Variants in PCGF5 observed in about 807,000 individuals in gnomAD.
The protein encoded by PCGF5 is polycomb group RING finger protein 5.
PCGF5 carries 9 observed loss-of-function variants against 44.3 expected under a neutral mutation model. That is an observed-to-expected ratio of 0.20 (90% CI 0.12 to 0.35). PCGF5 has a LOEUF of 0.35. Ranked by LOEUF, PCGF5 falls within the 10% of genes least tolerant of loss-of-function variation. The pLI is 1.00. For synonymous variants in PCGF5, 95 were observed against 102.5 expected (o/e 0.93, Z 0.44); for missense variants, 146 against 305.3 (o/e 0.48, Z 3.89).
intron 1 of PCGF5, among the ~76,000 whole-genome samples, chr10:91,210,492 A>G (rs1473498655): frequency 6.6e-6 from 1 of 152,214 alleles, no homozygotes; most frequent in Non-Finnish European, 1.5e-5. Context: ...CTCTAATGTC[A>G]AACTGGATAA....
chr10:91,257,070 C>G (rs1168446318), intron 6 of PCGF5, among the ~76,000 whole-genome samples: 32 of 151,966 alleles, frequency 2.1e-4, no homozygotes, highest in Admixed American at 2.1e-3. Flanking sequence ...GTCTGATAAG[C>G]CTTTAATGTA....
chr10:91,274,452 G>C (rs987332394), intron 9 of PCGF5, among the ~76,000 whole-genome samples: 2 of 152,138 alleles, frequency 1.3e-5, no homozygotes, highest in Non-Finnish European at 2.9e-5. Context: ...TGTAAAGAGG[G>C]TATTTCAAAT....
rs573759303 is a variant in PCGF5 at position 91,252,533 on chromosome 10, A to T, written c.474+1093A>T. Among the ~76,000 whole-genome samples the T allele has an allele frequency of 2.0e-5, 3 of 152,164 alleles. No individual in the cohort carries two copies. In the South Asian group the frequency reaches 6.2e-4, roughly 31 times the overall value. ...TTGGTTAGGTCTTATACATACAAAT[A>T]GTTAAGGTAATTGATTTTGTTAAGG... On this transcript the variant is annotated intron_variant, in intron 6 of 9. Transcript: ENST00000336126.
At chr10:91,255,732 T>A (rs1433008915) in intron 6 of PCGF5, among the ~76,000 whole-genome samples, 4 of 152,046 alleles carry the variant, frequency 2.6e-5, no homozygotes, top group Non-Finnish European at 5.9e-5. Context: ...AATGTCTAGT[T>A]TCAACAACAA....
chr10:91,203,818 A>G (rs1275847209), intron 1 of PCGF5, among the ~76,000 whole-genome samples: 1 of 152,158 alleles, frequency 6.6e-6, no homozygotes, highest in African/African-American at 2.4e-5. Flanking sequence ...AAATTTGTCA[A>G]CAACAAAAAC....
At chr10:91,249,745 G>A (rs1004726079) in intron 5 of PCGF5, among the ~76,000 whole-genome samples, 1 of 151,708 alleles carries the variant, frequency 6.6e-6, no homozygotes, top group Non-Finnish European at 1.5e-5. Context: ...TTTGATGCTA[G>A]AATAAGGTAA....
At chr10:91,217,137 C>T (rs1411057882), upstream of PCGF5, among the ~76,000 whole-genome samples, 3 of 152,174 alleles carry the variant, frequency 2.0e-5, no homozygotes, top group South Asian at 6.2e-4. Flanking sequence ...GGGTTCACGC[C>T]ATTCTCCTGC....
At chr10:91,166,064 G>A (rs1843494516) in intron 1 of PCGF5, among the ~76,000 whole-genome samples, 1 of 152,296 alleles carries the variant, frequency 6.6e-6, no homozygotes, top group African/African-American at 2.4e-5. Context: ...ACTTGGCGCA[G>A]TTCATTCCTT....
chr10:91,264,436 T>G lies in PCGF5; in HGVS notation c.579T>G (p.Asp193Glu). The G allele has an allele frequency of 6.2e-7, 1 of 1,601,130 alleles. No homozygotes were observed. Among genetic ancestry groups the G allele is most frequent in the Non-Finnish European group, 8.5e-7 (1 of 1,174,170 alleles). The change falls in exon 8 of 10, where the codon GAT becomes GAG. Residue 193 changes from aspartate (D) to glutamate (E), a missense_variant. Physicochemically the swap from Asp to Glu is conservative, Grantham distance 45. Coordinates refer to ENST00000336126, the MANE Select transcript of PCGF5 (RefSeq NM_032373.5). ...TATAATGATTCTTTTTAAAGTTGGA[T>G]GTGCTGTGCAATGGTGAAATTATGG... Reference protein sequence around the residue: ...KLKLPSSYELDVLCNGEIMGK... With the variant: ...KLKLPSSYELEVLCNGEIMGK...
chr10:91,176,047 A>G (rs1486670041), intron 1 of PCGF5, among the ~76,000 whole-genome samples: 1 of 152,154 alleles, frequency 6.6e-6, no homozygotes, highest in South Asian at 2.1e-4. Flanking sequence ...AGTGGCTGGT[A>G]CCGGTTGTTC....
chr10:91,242,829 A>G (rs2133354200), intron 3 of PCGF5, among the ~76,000 whole-genome samples: 1 of 152,288 alleles, frequency 6.6e-6, no homozygotes, highest in East Asian at 1.9e-4. Context: ...TTTCCTAAGA[A>G]TAAGGATATT....
At chr10:91,180,114 T>C (rs908452347) in intron 1 of PCGF5, among the ~76,000 whole-genome samples, 28 of 152,236 alleles carry the variant, frequency 1.8e-4, no homozygotes, top group African/African-American at 6.5e-4. Flanking sequence ...TTGAGCTTTT[T>C]TTCATTACAT....
intron 1 of PCGF5, among the ~76,000 whole-genome samples, chr10:91,180,039 T>A (rs984089972): frequency 6.6e-6 from 1 of 152,184 alleles, no homozygotes; most frequent in Non-Finnish European, 1.5e-5. Context: ...TAATAGCCAT[T>A]CTGACTGGTG....
chr10:91,175,534 T>TC (rs75273928), intron 1 of PCGF5, among the ~76,000 whole-genome samples: 14,527 of 152,048 alleles, frequency 0.096, 1,202 homozygotes, highest in African/African-American at 0.22. Context: ...TCCTCCCTCT[T>TC]CCCCCTACCC....
chr10:91,227,193 A>G, intron 2 of PCGF5: 1 of 382,928 alleles, frequency 2.6e-6, no homozygotes, highest in Non-Finnish European at 5.1e-6. Context: ...GAGCAAACTT[A>G]TATGCCAAGA....
intron 9 of PCGF5, among the ~76,000 whole-genome samples, chr10:91,277,505 C>T (rs1259315231): frequency 2.0e-5 from 3 of 152,202 alleles, no homozygotes; most frequent in African/African-American, 7.2e-5. Flanking sequence ...GGTAGCGTGG[C>T]ATATGCCATA....
chr10:91,187,626 G>T lies in PCGF5; in HGVS notation c.-184+24545G>T, dbSNP rs1843951494. ...ATCTCTTGATTCATGGGGTCCTTCT[G>T]TTTTCTGCATCCTTTCAGTAAGAGA... On this transcript the variant is annotated intron_variant, in intron 1 of 9. Coordinates refer to the PCGF5 transcript ENST00000614189. Among the ~76,000 whole-genome samples the T allele has an allele frequency of 5.3e-5, 8 of 152,232 alleles. No homozygotes were observed. In the South Asian group the frequency reaches 1.7e-3, roughly 32 times the overall value.
At chr10:91,225,777 CT>C (rs1459910047) in intron 2 of PCGF5, among the ~76,000 whole-genome samples, 1 of 151,828 alleles carries the variant, frequency 6.6e-6, no homozygotes, top group Non-Finnish European at 1.5e-5. Flanking sequence ...GCCTCTAAGC[CT>C]CAATATAAAT....
intron 6 of PCGF5, among the ~76,000 whole-genome samples, chr10:91,260,375 G>A (rs1845867556): frequency 1.3e-5 from 2 of 152,176 alleles, no homozygotes; most frequent in Admixed American, 6.5e-5. Context: ...CTGTAAACTA[G>A]TTCAACCATT....
Sources: gnomAD v4.1 joint callset for allele counts (sites outside exome capture counted in the v4.1 genomes callset) on GRCh38, gnomAD v4.1.1 for gene constraint, MANE v1.5 for transcripts, NCBI Gene and HGNC (gene_info 2026-07-23, HGNC 2026-07-21) for gene names.